CDH26: variants seen among roughly 807,000 people sequenced by gnomAD.
The protein encoded by CDH26 is cadherin-like protein 26.
CDH26 carries 83 observed loss-of-function variants against 90.3 expected under a neutral mutation model. That is an observed-to-expected ratio of 0.92 (90% CI 0.77 to 1.10). CDH26 has a LOEUF of 1.10. CDH26 is among the 50% of genes least tolerant of loss of function. The pLI is 0.00. For synonymous variants in CDH26, 397 were observed against 396.3 expected (o/e 1.00, Z -0.02); for missense variants, 1,013 against 1,037.6 (o/e 0.98, Z 0.33).
In CDH26 at chr20:59,968,045, C is replaced by T. The variant is rs1307952536; in HGVS notation, c.70-922C>T. Reference sequence around the variant, plus strand: ...TCTCTGTCTCTCTCTCTCTCTCTCTCTCTCTCTGTCTCTCTCTCTCTCTCT... The same window carrying T: ...TCTCTGTCTCTCTCTCTCTCTCTCTTTCTCTCTGTCTCTCTCTCTCTCTCT... On this transcript the variant is annotated intron_variant, in intron 1 of 17. Coordinates refer to ENST00000348616, the MANE Select transcript of CDH26 (RefSeq NM_177980.4). 3.8e-3 allele frequency among the ~76,000 whole-genome samples: 490 copies of T among 129,174 alleles called. 29 individuals carry two copies. Among genetic ancestry groups the T allele is most frequent in the African/African-American group, 0.018 (465 of 25,226 alleles). 84.7% of individuals were successfully genotyped at this position (129,174 alleles called of 152,430 possible). A position where few individuals can be genotyped will look rare whatever the true frequency, so the allele number is the denominator to read the frequency against.
intron 14 of CDH26, among the ~76,000 whole-genome samples, chr20:60,000,224 G>C (rs1277921379): frequency 6.6e-6 from 1 of 152,204 alleles, no homozygotes; most frequent in Admixed American, 6.5e-5. Flanking sequence ...CTTCCTCCTG[G>C]ATGTCATAAG....
chr20:59,999,779 C>A (rs2061651191), intron 14 of CDH26, 116 bp downstream of exon 14: 1 of 883,132 alleles, frequency 1.1e-6, no homozygotes, highest in Non-Finnish European at 1.8e-6. Context: ...GGTTCTTCTT[C>A]AAGTCAGCAA....
At chr20:60,018,597 G>A (rs1436233030), downstream of CDH26, among the ~76,000 whole-genome samples, 2 of 151,550 alleles carry the variant, frequency 1.3e-5, no homozygotes, top group African/African-American at 4.8e-5. Context: ...TCTGATTCAA[G>A]GTTATTATGG....
In CDH26 at chr20:59,972,069, C is replaced by T. The variant is rs768130040; in HGVS notation, c.339C>T (p.Asn113=). 50 of 1,613,950 alleles carry T rather than the reference C, an allele frequency of 3.1e-5. No homozygotes were observed. The highest frequency in any genetic ancestry group is 3.3e-4 in the Middle Eastern group (2 of 6,062). Residue 113 remains asparagine, a synonymous_variant, in exon 4 of 18, where the codon AAC becomes AAT. Coordinates refer to ENST00000348616, the MANE Select transcript of CDH26 (RefSeq NM_177980.4). ...TGTTTTCTCTAGAAGATCATGAGAACGGAAGGATATATGTTCACCGCCCTG... is the reference window on the plus strand; with the variant it reads ...TGTTTTCTCTAGAAGATCATGAGAATGGAAGGATATATGTTCACCGCCCTG... ...IGLFSLEDHE[N]GRIYVHRPVD...
chr20:59,986,461 A>G (rs1388465395), intron 7 of CDH26, among the ~76,000 whole-genome samples: 3 of 152,184 alleles, frequency 2.0e-5, no homozygotes, highest in Non-Finnish European at 2.9e-5. Flanking sequence ...TAAAAAAGTA[A>G]ATATCCACCA....
At chr20:60,018,702 C>CTTTTTTTTTTTTTTTTTTTTTTTTTT (rs55994712), downstream of CDH26, among the ~76,000 whole-genome samples, 3 of 17,814 alleles carry the variant, frequency 1.7e-4, no homozygotes, top group African/African-American at 4.6e-4. Flanking sequence ...CTCTTACTGC[C>CTTTTTTTTTTTTTTTTTTTTTTTTTT]TTTTTTTTTT....
intron 1 of CDH26, among the ~76,000 whole-genome samples, chr20:59,968,574 A>G (rs1383775546): frequency 3.3e-5 from 5 of 152,188 alleles, no homozygotes; most frequent in Non-Finnish European, 7.3e-5. Flanking sequence ...TAAGGGGCAA[A>G]AAAAACAAAA....
chr20:60,012,606 G>T lies in CDH26; in HGVS notation c.2375G>T (p.Gly792Val), dbSNP rs762888225. The T allele has an allele frequency of 6.2e-7, 1 of 1,614,152 alleles. No individual in the cohort carries two copies. The highest frequency in any genetic ancestry group is 1.7e-5 in the Admixed American group (1 of 60,024). ...TACAGCGAGGAAGGGGAGTGTGGAG[G>T]GGCCCCATCCCTCAGCTCTCTGGCC... ...HVYSEEGECG[G>V]APSLSSLASL... The change falls in exon 18 of 18, where the codon GGG becomes GTG. Residue 792 changes from glycine (G) to valine (V), a missense_variant. Transcript: ENST00000348616.
At chr20:60,024,346 C>T (rs1228167711) in intron 7 of CDH26, among the ~76,000 whole-genome samples, 1 of 152,134 alleles carries the variant, frequency 6.6e-6, no homozygotes, top group African/African-American at 2.4e-5. Flanking sequence ...GCGGGTGATG[C>T]TACAGAAGGA....
chr20:59,995,953 C>T lies in CDH26; in HGVS notation c.1787C>T (p.Pro596Leu), dbSNP rs765807257. 2.5e-6 allele frequency: 4 copies of T among 1,614,108 alleles called. No homozygotes were observed. The South Asian group carries it at 3.3e-5, about 13-fold the overall frequency. Residue 596 changes from proline (P) to leucine (L), a missense_variant, in exon 12 of 18, where the codon CCC becomes CTC. By Grantham distance (98) the Pro-to-Leu change is moderately conservative. Transcript: ENST00000348616. ...CAAACTGTCCATGTAAGGATCTGCC[C>T]CTGTGCCAGTGGGCTCACATGTGTG... ...QKQTVHVRIC[P>L]CASGLTCVEL... is the part of the protein sequence containing the mutation.
Position 59,987,565 on chromosome 20 carries a change from A to G in CDH26, c.950A>G (p.His317Arg), listed in dbSNP as rs1247524469. The G allele has an allele frequency of 3.7e-6, 6 of 1,614,070 alleles. No individual in the cohort carries two copies. The highest frequency in any genetic ancestry group is 1.7e-4 in the Middle Eastern group (1 of 6,060). Reference sequence around the variant, plus strand: ...TGGAGAGCAAAATTCAACATATTGCATGGCAATGAAGAGGGGCATTTTGAC... The same window carrying G: ...TGGAGAGCAAAATTCAACATATTGCGTGGCAATGAAGAGGGGCATTTTGAC... ...SAWRAKFNIL[H>R]GNEEGHFDIS... The change falls in exon 8 of 18, where the codon CAT (histidine) becomes CGT (arginine). Residue 317 changes from histidine (H) to arginine (R), a missense_variant. His to Arg is a conservative substitution (Grantham distance 29). Coordinates refer to ENST00000348616, the MANE Select transcript of CDH26 (RefSeq NM_177980.4).
At chr20:59,989,879 T>C (rs1471786753) in intron 9 of CDH26, among the ~76,000 whole-genome samples, 2 of 152,218 alleles carry the variant, frequency 1.3e-5, no homozygotes, top group Non-Finnish European at 2.9e-5. Context: ...AAAATATACA[T>C]AAAATTTACC....
Position 60,030,808 on chromosome 20 carries a change from C to G in CDH26, c.948-423C>G, listed in dbSNP as rs1163894723. On this transcript the variant is annotated intron_variant, in intron 7 of 8. Transcript: ENST00000370991. This position sits in a 1 kb window ranked among gnomAD's most constrained non-coding sequence, Gnocchi z 4.0. ...TAATGACATTGCTTAAGTCCTGCAC[C>G]TAGTTAAGAAGCCATGACTCCCCTT... Among the ~76,000 whole-genome samples the G allele has an allele frequency of 2.6e-5, 4 of 152,140 alleles. No individual in the cohort carries two copies. The highest frequency in any genetic ancestry group is 9.7e-5 in the African/African-American group (4 of 41,416).
At chr20:59,978,223 A>G (rs2061349505) in intron 4 of CDH26, among the ~76,000 whole-genome samples, 1 of 152,206 alleles carries the variant, frequency 6.6e-6, no homozygotes, top group Non-Finnish European at 1.5e-5. Flanking sequence ...TGTCAGGTGC[A>G]CATACATATT....
chr20:60,021,132 G>A, intron 7 of CDH26, among the ~76,000 whole-genome samples: 1 of 152,110 alleles, frequency 6.6e-6, no homozygotes, highest in African/African-American at 2.4e-5. Context: ...TCTTCGTGGG[G>A]GTCTGGGAGA....
intron 4 of CDH26, among the ~76,000 whole-genome samples, chr20:59,976,646 A>G (rs1006971436): frequency 6.6e-6 from 1 of 152,188 alleles, no homozygotes; most frequent in African/African-American, 2.4e-5. Context: ...ACAAAAATTT[A>G]AAAATGTATG....
intron 4 of CDH26, among the ~76,000 whole-genome samples, chr20:59,973,336 T>C (rs145789847): frequency 5.3e-5 from 8 of 152,086 alleles, no homozygotes; most frequent in African/African-American, 1.9e-4. Context: ...CATTCAGTGC[T>C]CACTTGTTGT....
intron 17 of CDH26, among the ~76,000 whole-genome samples, chr20:60,011,343 C>A (rs1258053785): frequency 6.6e-6 from 1 of 152,180 alleles, no homozygotes; most frequent in Non-Finnish European, 1.5e-5. Flanking sequence ...GTATTTAATG[C>A]ATTTCTGTAA....
At chr20:60,034,775 G>A (rs1480620671), downstream of CDH26, among the ~76,000 whole-genome samples, 8 of 152,208 alleles carry the variant, frequency 5.3e-5, no homozygotes. Flanking sequence ...TTTACTTTCT[G>A]AAAGAGCCAG....
Sources: gnomAD v4.1 joint callset for allele counts (sites outside exome capture counted in the v4.1 genomes callset) on GRCh38, gnomAD v4.1.1 for gene constraint, Gnocchi (gnomAD v3.1) non-coding constraint, MANE v1.5 for transcripts, NCBI Gene and HGNC (gene_info 2026-07-23, HGNC 2026-07-21) for gene names.